Variants in RBFOX1 observed in about 807,000 individuals in gnomAD.
RBFOX1 encodes RNA binding fox-1 homolog 1, also known as RNA binding protein fox-1 homolog 1.
Under a neutral mutation model 57.7 loss-of-function variants are expected in RBFOX1, and 8 were observed. That is an observed-to-expected ratio of 0.14 (90% CI 0.08 to 0.25). The LOEUF is 0.25. Among genes scored for constraint, RBFOX1 ranks in the 10% least tolerant of loss-of-function variants. RBFOX1 has a pLI of 1.00. For synonymous variants in RBFOX1, 326 were observed against 222.4 expected, an observed-to-expected ratio of 1.47 and a Z score of -4.15; for missense variants, 611 against 548.5, an observed-to-expected ratio of 1.11 and a Z score of -1.14.
At position 7,098,581 on chromosome 16, in the gene RBFOX1, G is replaced by A. The variant is rs545170661; in HGVS notation, c.27+46483G>A. ...TCAGCACCCTTAAACATATACATTC[G>A]GTTATAATGTATTGGTAATAACACA... On this transcript the variant is annotated intron_variant, in intron 4 of 15. Coordinates refer to ENST00000550418, the MANE Select transcript of RBFOX1 (RefSeq NM_018723.4). 1.3e-4 allele frequency among the ~76,000 whole-genome samples: 20 copies of A among 152,164 alleles called. No homozygotes were observed. In the South Asian group the frequency reaches 2.9e-3, roughly 22 times the overall value.
intron 3 of RBFOX1, among the ~76,000 whole-genome samples, chr16:5,639,494 A>T (rs910547840): frequency 6.6e-6 from 1 of 152,222 alleles, no homozygotes; most frequent in Non-Finnish European, 1.5e-5. Context: ...CACTGGGTCC[A>T]TGTTCCTACA....
chr16:7,303,867 T>C (rs1056311642), intron 4 of RBFOX1, among the ~76,000 whole-genome samples: 2 of 136,244 alleles, frequency 1.5e-5, no homozygotes, highest in Non-Finnish European at 3.2e-5. Context: ...TCCCTCTCGC[T>C]ATCCTTGCCC....
At chr16:6,698,629 C>T (rs912259972) in intron 3 of RBFOX1, among the ~76,000 whole-genome samples, 3 of 152,168 alleles carry the variant, frequency 2.0e-5, no homozygotes, top group Non-Finnish European at 4.4e-5. Context: ...ATCTGTTATT[C>T]ACCGAGGCAG....
At chr16:7,256,614 C>G (rs2094695957) in intron 4 of RBFOX1, among the ~76,000 whole-genome samples, 1 of 152,076 alleles carries the variant, frequency 6.6e-6, no homozygotes, top group Non-Finnish European at 1.5e-5. Context: ...TCTGGATGGC[C>G]ACAAACCAAA....
At chr16:7,102,206 C>A (rs984439153) in intron 4 of RBFOX1, among the ~76,000 whole-genome samples, 1 of 152,152 alleles carries the variant, frequency 6.6e-6, no homozygotes, top group Non-Finnish European at 1.5e-5. Context: ...CAGGGGCATT[C>A]CCTGAGGAAA....
At chr16:6,880,770 T>C (rs1014941475) in intron 3 of RBFOX1, among the ~76,000 whole-genome samples, 1 of 151,748 alleles carries the variant, frequency 6.6e-6, no homozygotes, top group African/African-American at 2.4e-5. Context: ...ATTAAAATTA[T>C]TGTTATATTT....
chr16:6,339,207 G>A (rs1292296037), intron 2 of RBFOX1, among the ~76,000 whole-genome samples: 7 of 152,232 alleles, frequency 4.6e-5, no homozygotes, highest in Non-Finnish European at 2.9e-5. Context: ...GCCATCCCAG[G>A]ATTTCCACAA....
At chr16:5,432,395 C>T (rs1037268701) in intron 1 of RBFOX1, among the ~76,000 whole-genome samples, 14 of 152,168 alleles carry the variant, frequency 9.2e-5, no homozygotes, top group African/African-American at 2.9e-4. Flanking sequence ...TCCGCCGGCC[C>T]CTGTAATTTA....
intron 4 of RBFOX1, among the ~76,000 whole-genome samples, chr16:7,277,568 A>C (rs1235804938): frequency 3.3e-5 from 5 of 152,120 alleles, no homozygotes; most frequent in Non-Finnish European, 7.4e-5. Flanking sequence ...AGATGTTCTG[A>C]TAATCTAGAT....
At chr16:6,339,702 G>A (rs2534755) in intron 2 of RBFOX1, among the ~76,000 whole-genome samples, 95,195 of 151,394 alleles carry the variant, frequency 0.63, 32,374 homozygotes, top group African/African-American at 0.9. Flanking sequence ...AGAGAGTCTC[G>A]CTCTGTCACC....
chr16:7,394,570 C>T (rs1271690797), intron 4 of RBFOX1, among the ~76,000 whole-genome samples: 1 of 152,132 alleles, frequency 6.6e-6, no homozygotes, highest in Admixed American at 6.5e-5. Flanking sequence ...TTATCCATTC[C>T]TCTTGGGGTC....
chr16:5,983,649 T>C (rs1022755542), intron 4 of RBFOX1, among the ~76,000 whole-genome samples: 3 of 152,128 alleles, frequency 2.0e-5, no homozygotes, highest in Non-Finnish European at 4.4e-5. Flanking sequence ...CTGACTCTCG[T>C]TGTTATTCTG....
At chr16:6,765,038 A>T (rs1486945281) in intron 3 of RBFOX1, among the ~76,000 whole-genome samples, 1 of 152,138 alleles carries the variant, frequency 6.6e-6, no homozygotes, top group Non-Finnish European at 1.5e-5. Context: ...AAAAAAATTC[A>T]TGGTGACATG....
intron 14 of RBFOX1, among the ~76,000 whole-genome samples, chr16:7,678,192 C>T (rs1223859790): frequency 2.6e-5 from 4 of 152,104 alleles, no homozygotes; most frequent in Non-Finnish European, 4.4e-5. Context: ...GAAATCCAGA[C>T]AATTGTCAAG....
rs576913996 is a variant in RBFOX1 at position 6,569,926 on chromosome 16, C to T, written c.-63-84677C>T. On this transcript the variant is annotated intron_variant, in intron 2 of 15. Coordinates refer to ENST00000550418, the MANE Select transcript of RBFOX1 (RefSeq NM_018723.4). Reference sequence around the variant, plus strand: ...TTTGCTATAAGTACTGTACAATTCACTTGTCCTCAATAATAAAATTCATTT... The same window carrying T: ...TTTGCTATAAGTACTGTACAATTCATTTGTCCTCAATAATAAAATTCATTT... Among the ~76,000 whole-genome samples, 11 of 152,322 alleles carry T rather than the reference C, an allele frequency of 7.2e-5. 1 individual carries two copies. The South Asian group carries it at 1.0e-3, about 14-fold the overall frequency.
At chr16:7,051,829 C>T (rs532313852) in intron 3 of RBFOX1, among the ~76,000 whole-genome samples, 3 of 152,286 alleles carry the variant, frequency 2.0e-5, no homozygotes, top group African/African-American at 7.2e-5. Context: ...GCACGTCTCT[C>T]CTCTTCCCCT....
intron 2 of RBFOX1, among the ~76,000 whole-genome samples, chr16:6,579,576 C>G (rs1236865925): frequency 6.6e-6 from 1 of 152,162 alleles, no homozygotes; most frequent in Non-Finnish European, 1.5e-5. Context: ...CTTTTCCTTG[C>G]TGCTGCCATG....
intron 3 of RBFOX1, among the ~76,000 whole-genome samples, chr16:5,818,136 A>G (rs1367190545): frequency 1.3e-5 from 2 of 152,212 alleles, no homozygotes; most frequent in East Asian, 1.9e-4. Context: ...TCATTAGATC[A>G]TCACCATCCT....
At chr16:6,420,194 C>G (rs904997985) in intron 2 of RBFOX1, among the ~76,000 whole-genome samples, 1 of 152,120 alleles carries the variant, frequency 6.6e-6, no homozygotes, top group Non-Finnish European at 1.5e-5. Flanking sequence ...CTTTCCCTTT[C>G]TCTTCAGCAG....
Sources: gnomAD v4.1 joint callset for allele counts (sites outside exome capture counted in the v4.1 genomes callset) on GRCh38, gnomAD v4.1.1 for gene constraint, MANE v1.5 for transcripts, NCBI Gene and HGNC (gene_info 2026-07-23, HGNC 2026-07-21) for gene names.